The following TEAD2 variants were observed in gnomAD, a reference collection of about 807,000 sequenced individuals.
TEAD2 encodes transcriptional enhancer factor TEF-4.
A neutral mutation model predicts 61.4 loss-of-function variants in TEAD2; 51 were observed. The observed-to-expected ratio is 0.83, with a 90% CI of 0.66 to 1.05. The LOEUF is 1.05. TEAD2 is among the 50% of genes least tolerant of loss of function. The pLI is 0.00. For missense variants in TEAD2, 509 were observed against 600.0 expected (o/e 0.85, Z 1.58); for synonymous variants, 244 against 243.2 (o/e 1.00, Z -0.03).
intron 8 of TEAD2, 39 bp from the exon 9 acceptor site, chr19:49,348,884 A>G: frequency 6.8e-7 from 1 of 1,461,982 alleles, no homozygotes; most frequent in Non-Finnish European, 9.0e-7. Context: ...AATTGCTAAC[A>G]TTTATGGAAT....
At chr19:49,350,291 C>T (rs1300962539) in intron 8 of TEAD2, among the ~76,000 whole-genome samples, 2 of 152,028 alleles carry the variant, frequency 1.3e-5, no homozygotes, top group Non-Finnish European at 2.9e-5. Context: ...ACCAATAAAT[C>T]AATACATTTT....
chr19:49,359,314 C>T lies in TEAD2; in HGVS notation c.297+121G>A, dbSNP rs574336326. The T allele has an allele frequency of 3.4e-5, 28 of 833,314 alleles. No individual in the cohort carries two copies. In the East Asian group the frequency reaches 5.8e-4, roughly 17 times the overall value. The allele number at this position is 833,314 out of a possible 1,614,324, so 51.6% of individuals were successfully genotyped here. A position where few individuals can be genotyped will look rare whatever the true frequency, so the allele number is the denominator to read the frequency against. ...AATACAAACGGACTAACACACATGC[C>T]GAGAAGACAGATGAACGCACAGGAA... On this transcript the variant is annotated intron_variant, in intron 3 of 12. Transcript: ENST00000593945. The surrounding 1 kb of genome is among the most constrained non-coding windows in gnomAD (Gnocchi z 4.1).
chr19:49,349,395 G>C (rs983083238), intron 8 of TEAD2, among the ~76,000 whole-genome samples: 2 of 151,984 alleles, frequency 1.3e-5, no homozygotes, highest in Admixed American at 1.3e-4. Flanking sequence ...CCCAGGAGGC[G>C]GGGGTTGCAG....
At chr19:49,351,508 T>A in intron 7 of TEAD2, 143 bp from the exon 8 acceptor site, 1 of 721,318 alleles carries the variant, frequency 1.4e-6, no homozygotes. Context: ...GTGAGGTAGG[T>A]AGAATGACTG....
chr19:49,354,702 A>G (rs1972257196), intron 7 of TEAD2, among the ~76,000 whole-genome samples: 1 of 151,602 alleles, frequency 6.6e-6, no homozygotes, highest in Non-Finnish European at 1.5e-5. Context: ...CTCAGGTCCA[A>G]GAACCACCTA....
rs1972314129 is a variant in TEAD2, at chr19:49,355,307, A to G, written c.480+5T>C. 6.2e-7 allele frequency: 1 copy of G among 1,613,964 alleles called. No homozygotes were observed. Among genetic ancestry groups the G allele is most frequent in the Non-Finnish European group, 8.5e-7 (1 of 1,179,988 alleles). On this transcript the variant is annotated splice_donor_5th_base_variant and intron_variant, in intron 6 of 12. Coordinates refer to ENST00000593945, the MANE Select transcript of TEAD2 (RefSeq NM_001256660.2). ...CCACGTCCCACAATCCCCAACCTGGACCACCTGAGGACCAGTGGGACCCAG... is the reference window on the plus strand; with the variant it reads ...CCACGTCCCACAATCCCCAACCTGGGCCACCTGAGGACCAGTGGGACCCAG...
Position 49,346,180 on chromosome 19 carries a change from A to T in TEAD2, c.921+1010T>A, listed in dbSNP as rs1376395335. On this transcript the variant is annotated intron_variant, in intron 10 of 12. Coordinates refer to ENST00000593945, the MANE Select transcript of TEAD2 (RefSeq NM_001256660.2). Reference sequence around the variant, plus strand: ...AATTCCATCTCAAAAAAAAAAAAAAAAAAAACAATAAAAGAAAATAAAACA... The same window carrying T: ...AATTCCATCTCAAAAAAAAAAAAAATAAAAACAATAAAAGAAAATAAAACA... Among the ~76,000 whole-genome samples, 161 of 147,320 alleles carry T rather than the reference A, an allele frequency of 1.1e-3. 2 individuals carry two copies. Among genetic ancestry groups the T allele is most frequent in the Middle Eastern group, 3.4e-3 (1 of 294 alleles).
In TEAD2 at chr19:49,359,255, A is replaced by G; in HGVS notation, c.297+180T>C. ...TCCATTTCAAAAAATAAACAAATACATAAATAACCCAGCCTCGGGTAATTC... is the reference window on the plus strand; with the variant it reads ...TCCATTTCAAAAAATAAACAAATACGTAAATAACCCAGCCTCGGGTAATTC... On this transcript the variant is annotated intron_variant, in intron 3 of 12. Coordinates refer to ENST00000593945, the MANE Select transcript of TEAD2 (RefSeq NM_001256660.2). This position sits in a 1 kb window ranked among gnomAD's most constrained non-coding sequence, Gnocchi z 4.1. 3.0e-6 allele frequency: 2 copies of G among 658,014 alleles called. No homozygotes were observed. The highest frequency in any genetic ancestry group is 2.5e-5 in the Admixed American group (1 of 39,420). 40.8% of individuals were successfully genotyped at this position (658,014 alleles called of 1,614,324 possible). A position where few individuals can be genotyped will look rare whatever the true frequency, so the allele number is the denominator to read the frequency against.
chr19:49,359,954 G>T lies in TEAD2; in HGVS notation c.122C>A (p.Ala41Glu). 1 of 1,611,224 alleles carries T rather than the reference G, an allele frequency of 6.2e-7. No homozygotes were observed. ...AATGTCTGGGCTCCACACCCCCTCT[G>T]CATCCGGGCCCCCGTCACCCCCAGC... ...EGAGGDGGPD[A>E]EGVWSPDIEQ... is the part of the protein sequence containing the mutation. Residue 41 changes from alanine to glutamate, a missense_variant, in exon 2 of 13, where the codon GCA becomes GAA. Coordinates refer to ENST00000593945, the MANE Select transcript of TEAD2 (RefSeq NM_001256660.2). This position sits in a 1 kb window ranked among gnomAD's most constrained non-coding sequence, Gnocchi z 4.1.
At chr19:49,360,922 G>T (rs1600806619) in intron 1 of TEAD2, among the ~76,000 whole-genome samples, 1 of 127,264 alleles carries the variant, frequency 7.9e-6, no homozygotes, top group Admixed American at 8.0e-5. Context: ...AGAGAGAAGG[G>T]GACAGAGACC....
At chr19:49,357,346 C>A (rs1297364265) in intron 3 of TEAD2, 32 bp from the exon 4 acceptor site, 1 of 1,609,552 alleles carries the variant, frequency 6.2e-7, no homozygotes, top group Non-Finnish European at 8.5e-7. Context: ...CAGATTCAGG[C>A]CACAGCCACC....
rs1972695551 is a variant in TEAD2, at chr19:49,359,809, G to T, written c.232+35C>A. On this transcript the variant is annotated intron_variant, in intron 2 of 12. Coordinates refer to ENST00000593945, the MANE Select transcript of TEAD2 (RefSeq NM_001256660.2). This position sits in a 1 kb window ranked among gnomAD's most constrained non-coding sequence, Gnocchi z 4.1. ...CCTTGGTTACTGTCATTATTCATCA[G>T]TGGGGGCCAGGGCAAAAGACAGAAG... 1.9e-6 allele frequency: 3 copies of T among 1,599,908 alleles called. No individual in the cohort carries two copies. Among genetic ancestry groups the T allele is most frequent in the African/African-American group, 2.7e-5 (2 of 74,718 alleles).
At chr19:49,360,962 G>A (rs114614976) in intron 1 of TEAD2, among the ~76,000 whole-genome samples, 2,147 of 116,948 alleles carry the variant, frequency 0.018, 131 homozygotes, top group African/African-American at 0.072. Context: ...GACCAGTGAC[G>A]GAGGGGACAG....
In TEAD2 at chr19:49,359,718, C is replaced by G. The variant is rs1972687751; in HGVS notation, c.232+126G>C. On this transcript the variant is annotated intron_variant, in intron 2 of 12. Transcript: ENST00000593945. The surrounding 1 kb of genome is among the most constrained non-coding windows in gnomAD (Gnocchi z 4.1). Reference sequence around the variant, plus strand: ...ACCATAAGCAAATCACTTAACCTAGCTGTGCCTCAGTTTCCTCATCTGTGC... The same window carrying G: ...ACCATAAGCAAATCACTTAACCTAGGTGTGCCTCAGTTTCCTCATCTGTGC... 5.4e-6 allele frequency: 6 copies of G among 1,110,664 alleles called. No individual in the cohort carries two copies. Among genetic ancestry groups the G allele is most frequent in the Non-Finnish European group, 7.9e-6 (6 of 758,154 alleles). The allele number at this position is 1,110,664 out of a possible 1,614,324, so 68.8% of individuals were successfully genotyped here. A position where few individuals can be genotyped will look rare whatever the true frequency, so the allele number is the denominator to read the frequency against.
Position 49,359,429 on chromosome 19 carries a change from C to T in TEAD2, c.297+6G>A, listed in dbSNP as rs964399361. ...CAGACAGAAGCCCACAAGTCCATTC[C>T]GAGACCTGTTTTCGAGTTCGGGTCT... On this transcript the variant is annotated splice_donor_region_variant and intron_variant, in intron 3 of 12. Coordinates refer to ENST00000593945, the MANE Select transcript of TEAD2 (RefSeq NM_001256660.2). The surrounding 1 kb of genome is among the most constrained non-coding windows in gnomAD (Gnocchi z 4.1). 1.4e-5 allele frequency: 22 copies of T among 1,613,794 alleles called. No individual in the cohort carries two copies. In the African/African-American group the frequency reaches 1.7e-4, roughly 13 times the overall value.
At chr19:49,348,656 C>T in intron 9 of TEAD2, 47 bp downstream of exon 9, 1 of 1,509,640 alleles carries the variant, frequency 6.6e-7, no homozygotes, top group Non-Finnish European at 9.2e-7. Context: ...TCCTGTCACC[C>T]TCTATATTTC....
intron 10 of TEAD2, among the ~76,000 whole-genome samples, chr19:49,345,359 CCTTT>C (rs1471042058): frequency 1.3e-5 from 2 of 151,670 alleles, no homozygotes; most frequent in Non-Finnish European, 2.9e-5. Flanking sequence ...TTCCTTTCTT[CCTTT>C]CTTTCTTTCG....
At position 49,354,401 on chromosome 19, in the gene TEAD2, G is replaced by A. The variant is rs537563381; in HGVS notation, c.539+747C>T. ...TGCCTGTAGTCTCAGCTACTCAGGA[G>A]GCTGAGGCAAGAAGATTGCTTGAAC... On this transcript the variant is annotated intron_variant, in intron 7 of 12. Coordinates refer to ENST00000593945, the MANE Select transcript of TEAD2 (RefSeq NM_001256660.2). 9.2e-5 allele frequency among the ~76,000 whole-genome samples: 14 copies of A among 152,100 alleles called. No homozygotes were observed. The South Asian group carries it at 2.7e-3, about 29-fold the overall frequency.
rs1228313986 is a variant in TEAD2, at chr19:49,359,844, C to T, written c.232G>A (p.Gly78Ser). Residue 78 changes from glycine (G) to serine (S), a missense_variant and splice_region_variant, in exon 2 of 13, where the codon GGT (glycine) becomes AGT (serine). By Grantham distance (56) the Gly-to-Ser change is moderately conservative. Transcript: ENST00000593945. The surrounding 1 kb of genome is among the most constrained non-coding windows in gnomAD (Gnocchi z 4.1). The stretch of plus-strand genomic sequence containing the variant: ...GGGCAAAAGACAGAAGTAGACTCAC[C>T]ATACATCTTGCCTTCATCAGACAAA... ...IILSDEGKMY[G>S]RNELIARYIK... is the part of the protein sequence containing the mutation. The T allele has an allele frequency of 6.2e-7, 1 of 1,613,384 alleles. No individual in the cohort carries two copies. The highest frequency in any genetic ancestry group is 1.7e-5 in the Admixed American group (1 of 60,020).
Sources: allele counts gnomAD v4.1 joint callset (sites outside exome capture counted in the v4.1 genomes callset), GRCh38; gene constraint gnomAD v4.1.1; non-coding constraint Gnocchi (gnomAD v3.1); transcripts MANE v1.5; gene names NCBI Gene and HGNC (gene_info 2026-07-23, HGNC 2026-07-21).